The following OPHN1 variants were observed in gnomAD, a reference collection of about 807,000 sequenced individuals.
OPHN1 encodes oligophrenin-1.
OPHN1 carries 11 observed loss-of-function variants against 60.7 expected under a neutral mutation model. That is an observed-to-expected ratio of 0.18 (90% CI 0.11 to 0.30). The LOEUF (loss-of-function observed/expected upper bound fraction) is 0.30, where lower values mean the gene tolerates loss of function less well. Among genes scored for constraint, OPHN1 ranks in the 10% least tolerant of loss-of-function variants. The pLI, the probability that OPHN1 is intolerant of heterozygous loss-of-function variation, is 1.00. For missense variants in OPHN1, 449 were observed against 611.0 expected (o/e 0.73, Z 2.80); for synonymous variants, 226 against 222.6 (o/e 1.02, Z -0.14).
intron 2 of OPHN1, among the ~76,000 whole-genome samples, chrX:68,299,580 GT>G (rs770025553): frequency 5.5e-4 from 61 of 111,347 alleles, no homozygotes; most frequent in Non-Finnish European, 1.0e-3. Flanking sequence ...GATGATACAG[GT>G]ACCACCTGGA....
At position 68,401,260 on chromosome X, in the gene OPHN1, A is replaced by G. The variant is rs12011813; in HGVS notation, c.154+31607T>C. On this transcript the variant is annotated intron_variant, in intron 2 of 24. Transcript: ENST00000355520. ...CAGCTAACTTAGTAATGAGACAGAC[A>G]GCTACAAGTACAGTGTAAACAACAT... is the stretch of plus-strand genomic sequence containing the variant. 2.2e-3 allele frequency among the ~76,000 whole-genome samples: 252 copies of G among 112,363 alleles called. 1 individual carries two copies. The highest frequency in any genetic ancestry group is 0.014 in the Middle Eastern group (3 of 218).
At chrX:68,090,036 C>T (rs1457524343) in intron 19 of OPHN1, among the ~76,000 whole-genome samples, 2 of 111,654 alleles carry the variant, frequency 1.8e-5, no homozygotes, top group African/African-American at 3.3e-5. Context: ...AGAATGTTTG[C>T]CAAATTCCAA....
chrX:68,265,438 C>A (rs1602281760), intron 5 of OPHN1, among the ~76,000 whole-genome samples: 1 of 112,212 alleles, frequency 8.9e-6, no homozygotes, highest in South Asian at 3.7e-4. Context: ...GGACCTCCAA[C>A]AAACTCCAAC....
chrX:68,339,106 TTA>T (rs1222358413), intron 2 of OPHN1, among the ~76,000 whole-genome samples: 2 of 103,062 alleles, frequency 1.9e-5, no homozygotes, highest in Admixed American at 1.1e-4. Flanking sequence ...ATATATATAT[TTA>T]TATATATATG....
intron 2 of OPHN1, among the ~76,000 whole-genome samples, chrX:68,359,216 ATTTTTAATAT>A (rs1569291241): frequency 9.0e-6 from 1 of 111,546 alleles, no homozygotes; most frequent in Non-Finnish European, 1.9e-5. Flanking sequence ...TATAGCTGTA[ATTTTTAATAT>A]TTTTTAATAG....
chrX:68,089,866 G>A (rs1375730020), intron 19 of OPHN1, among the ~76,000 whole-genome samples: 4 of 111,645 alleles, frequency 3.6e-5, no homozygotes, highest in Non-Finnish European at 5.6e-5. Flanking sequence ...TAGCCAAGGT[G>A]GAAAACTTGA....
intron 2 of OPHN1, among the ~76,000 whole-genome samples, chrX:68,350,553 G>A (rs909490918): frequency 3.8e-5 from 3 of 78,234 alleles, no homozygotes; most frequent in East Asian, 4.5e-4. Flanking sequence ...CCTTCTTTCC[G>A]ACAGAGACTT....
chrX:68,183,732 C>G (rs888160014), intron 15 of OPHN1, among the ~76,000 whole-genome samples: 1 of 112,293 alleles, frequency 8.9e-6, no homozygotes, highest in East Asian at 2.8e-4. Context: ...TTTAAAGCTA[C>G]CTCTTTGAGA....
At chrX:68,433,085 A>G (rs1263628596) in intron 1 of OPHN1, 61 bp from the exon 2 acceptor site, 1 of 1,035,881 alleles carries the variant, frequency 9.7e-7, no homozygotes, top group African/African-American at 1.9e-5. Context: ...TCAATGGCAC[A>G]GTAGAGGAAG....
rs868468932 is a variant in OPHN1 at position 68,229,763 on chromosome X, C to G, written c.486+4724G>C. Reference sequence around the variant, plus strand: ...CTTACACCTTATACAAAAATTAATTCAAGAAGGATTAAAGACTTAAATGTT... The same window carrying G: ...CTTACACCTTATACAAAAATTAATTGAAGAAGGATTAAAGACTTAAATGTT... On this transcript the variant is annotated intron_variant, in intron 6 of 24. Coordinates refer to ENST00000355520, the MANE Select transcript of OPHN1 (RefSeq NM_002547.3). Among the ~76,000 whole-genome samples, 78 of 112,229 alleles carry G rather than the reference C, an allele frequency of 7.0e-4. 1 individual carries two copies. Among genetic ancestry groups the G allele is most frequent in the Middle Eastern group, 4.6e-3 (1 of 219 alleles).
chrX:68,189,361 A>T (rs778329372), intron 15 of OPHN1, among the ~76,000 whole-genome samples: 1 of 109,295 alleles, frequency 9.1e-6, no homozygotes, highest in Non-Finnish European at 1.9e-5. Flanking sequence ...CTTTTTTTTA[A>T]TTTTTTTTTT....
intron 2 of OPHN1, among the ~76,000 whole-genome samples, chrX:68,432,567 T>C (rs1286137466): frequency 8.9e-6 from 1 of 111,818 alleles, no homozygotes; most frequent in South Asian, 3.7e-4. Context: ...GTACAGCAGA[T>C]TGTCCCTTAA....
chrX:68,432,826 C>CA, intron 2 of OPHN1, 41 bp downstream of exon 2: 1 of 1,202,801 alleles, frequency 8.3e-7, no homozygotes, highest in Non-Finnish European at 1.1e-6. Context: ...AGGCCAGACA[C>CA]ACCAGCTCAG....
intron 7 of OPHN1, among the ~76,000 whole-genome samples, chrX:68,213,034 T>C (rs915573940): frequency 2.7e-5 from 3 of 112,414 alleles, no homozygotes; most frequent in Non-Finnish European, 5.6e-5. Context: ...ATATAAATGA[T>C]ACACAACATA....
At chrX:68,227,049 G>A (rs887918565) in intron 6 of OPHN1, among the ~76,000 whole-genome samples, 5 of 111,169 alleles carry the variant, frequency 4.5e-5, no homozygotes, top group African/African-American at 1.6e-4. Flanking sequence ...TCAAAATAAA[G>A]GGATGGAGGA....
chrX:68,307,180 G>A (rs1245718925), intron 2 of OPHN1, among the ~76,000 whole-genome samples: 1 of 110,841 alleles, frequency 9.0e-6, no homozygotes, highest in Non-Finnish European at 1.9e-5. Flanking sequence ...GGTGGCTCAC[G>A]CCTGTAATCC....
chrX:68,273,371 C>T (rs1159531663), intron 5 of OPHN1, among the ~76,000 whole-genome samples: 1 of 110,729 alleles, frequency 9.0e-6, no homozygotes, highest in Non-Finnish European at 1.9e-5. Context: ...ATGGTGGATA[C>T]ACATTGAGAG....
chrX:68,111,930 C>T lies in OPHN1; in HGVS notation c.1450G>A (p.Ala484Thr), dbSNP rs920735000. The T allele has an allele frequency of 3.3e-6, 4 of 1,202,978 alleles. No individual in the cohort carries two copies. Among genetic ancestry groups the T allele is most frequent in the Non-Finnish European group, 4.5e-6 (4 of 889,463 alleles). Residue 484 changes from alanine (A) to threonine (T), a missense_variant, in exon 18 of 25, where the codon GCT (alanine) becomes ACT (threonine). Coordinates refer to ENST00000355520, the MANE Select transcript of OPHN1 (RefSeq NM_002547.3). The stretch of plus-strand genomic sequence containing the variant: ...AGCTTATATACCAGGGAGTGAATAG[C>T]TCCTAGGCGGTAATCCAGGTTGTCA... ...KSDNLDYRLG[A>T]IHSLVYKLPE... is the part of the protein sequence containing the mutation.
At chrX:68,114,773 T>C (rs370219037) in intron 16 of OPHN1, among the ~76,000 whole-genome samples, 24 of 111,016 alleles carry the variant, frequency 2.2e-4, no homozygotes, top group East Asian at 2.0e-3. Flanking sequence ...TGACAAAGCA[T>C]AGAAAGAATA....
Sources: allele counts gnomAD v4.1 joint callset (sites outside exome capture counted in the v4.1 genomes callset), GRCh38; gene constraint gnomAD v4.1.1; transcripts MANE v1.5; gene names NCBI Gene and HGNC (gene_info 2026-07-23, HGNC 2026-07-21).